Variants in RBFOX1 observed in about 807,000 individuals in gnomAD.
RBFOX1 encodes RNA binding fox-1 homolog 1, also known as RNA binding protein fox-1 homolog 1.
In RBFOX1, 8 loss-of-function variants were observed where a neutral mutation model predicts 57.7. The ratio of observed to expected loss-of-function variants is 0.14; its 90% CI spans 0.08 to 0.25. The LOEUF (loss-of-function observed/expected upper bound fraction) is 0.25. RBFOX1 is among the 10% of genes least tolerant of loss of function. RBFOX1 has a pLI of 1.00. For missense variants in RBFOX1, 611 were observed against 548.5 expected (o/e 1.11, Z -1.14); for synonymous variants, 326 against 222.4 (o/e 1.47, Z -4.15).
chr16:6,683,404 G>C (rs996328781), intron 3 of RBFOX1, among the ~76,000 whole-genome samples: 5 of 152,084 alleles, frequency 3.3e-5, no homozygotes, highest in Admixed American at 2.0e-4. Context: ...TCTTTATTAG[G>C]AGATGCATGC....
intron 3 of RBFOX1, among the ~76,000 whole-genome samples, chr16:5,802,602 A>G (rs1390201650): frequency 6.6e-6 from 1 of 152,144 alleles, no homozygotes. Context: ...GAAGAGGAGC[A>G]TGTCTGGATC....
intron 2 of RBFOX1, among the ~76,000 whole-genome samples, chr16:5,512,729 T>C (rs1271659483): frequency 1.3e-5 from 2 of 152,234 alleles, no homozygotes; most frequent in African/African-American, 2.4e-5. Flanking sequence ...TCTTATACTC[T>C]TGTGACACGT....
intron 3 of RBFOX1, among the ~76,000 whole-genome samples, chr16:5,867,150 A>ATGTGTGTGTGTG (rs113977862): frequency 1.3e-5 from 2 of 149,318 alleles, no homozygotes; most frequent in East Asian, 2.0e-4. Context: ...AAGAAAATGC[A>ATGTGTGTGTGTG]TGTGTGTGTG....
At chr16:6,897,126 C>G (rs1453103034) in intron 3 of RBFOX1, among the ~76,000 whole-genome samples, 1 of 152,152 alleles carries the variant, frequency 6.6e-6, no homozygotes, top group Non-Finnish European at 1.5e-5. Flanking sequence ...ATAAGAAAAC[C>G]ATTGCTGACA....
chr16:6,210,737 G>C (rs1334062901), intron 1 of RBFOX1, among the ~76,000 whole-genome samples: 2 of 151,766 alleles, frequency 1.3e-5, no homozygotes, highest in African/African-American at 2.4e-5. Flanking sequence ...CAAAAAAAAA[G>C]AAAAGAAAAG....
chr16:6,691,583 T>C lies in RBFOX1; in HGVS notation c.-16+36933T>C, dbSNP rs144752936. ...TATATGTATCATTTGATATCATCTTTACATCAATCCCAGGAAGAAAGAATG... is the reference window on the plus strand; with the variant it reads ...TATATGTATCATTTGATATCATCTTCACATCAATCCCAGGAAGAAAGAATG... On this transcript the variant is annotated intron_variant, in intron 3 of 15. Transcript: ENST00000550418. Among the ~76,000 whole-genome samples, 12 of 152,320 alleles carry C rather than the reference T, an allele frequency of 7.9e-5. No individual in the cohort carries two copies. In the East Asian group the frequency reaches 2.3e-3, roughly 29 times the overall value.
intron 3 of RBFOX1, among the ~76,000 whole-genome samples, chr16:6,849,001 C>T (rs750387371): frequency 1.3e-5 from 2 of 152,180 alleles, no homozygotes; most frequent in Admixed American, 6.5e-5. Context: ...TTCCAAAGCA[C>T]GTTTAGGTAG....
intron 3 of RBFOX1, among the ~76,000 whole-genome samples, chr16:6,992,501 A>G (rs1410940443): frequency 1.6e-4 from 24 of 152,114 alleles, no homozygotes; most frequent in Admixed American, 1.6e-3. Flanking sequence ...GGCGTGAGCT[A>G]CTGCATCCAG....
At position 7,630,761 on chromosome 16, in the gene RBFOX1, C is replaced by T. The variant is rs567490059; in HGVS notation, c.757+78C>T. The T allele has an allele frequency of 6.2e-4, 984 of 1,574,982 alleles. 2 individuals are homozygous for T. The highest frequency in any genetic ancestry group is 1.2e-3 in the Middle Eastern group (7 of 5,980). On this transcript the variant is annotated intron_variant, in intron 11 of 15. Coordinates refer to ENST00000550418, the MANE Select transcript of RBFOX1 (RefSeq NM_018723.4). The stretch of plus-strand genomic sequence containing the variant: ...TCACCTTCCCTGCCATGTAAGTTCT[C>T]TCCCCCTCCCTCTGCCCCACCCTCT...
chr16:6,497,226 A>C (rs2095796260), intron 2 of RBFOX1, among the ~76,000 whole-genome samples: 1 of 152,180 alleles, frequency 6.6e-6, no homozygotes, highest in Non-Finnish European at 1.5e-5. Flanking sequence ...TTTGTAACTG[A>C]GGCTGGAGAA....
intron 3 of RBFOX1, among the ~76,000 whole-genome samples, chr16:5,767,269 C>T (rs1228238596): frequency 2.0e-5 from 3 of 152,196 alleles, no homozygotes; most frequent in African/African-American, 7.2e-5. Flanking sequence ...TTCCTGACTT[C>T]AGGGAGATGA....
intron 2 of RBFOX1, among the ~76,000 whole-genome samples, chr16:6,558,490 C>G (rs1320857816): frequency 6.6e-6 from 1 of 152,140 alleles, no homozygotes; most frequent in African/African-American, 2.4e-5. Flanking sequence ...CTTGAGTCAT[C>G]TGTCACGTTG....
At chr16:6,732,750 G>T (rs1032515211) in intron 3 of RBFOX1, among the ~76,000 whole-genome samples, 1 of 152,156 alleles carries the variant, frequency 6.6e-6, no homozygotes, top group African/African-American at 2.4e-5. Flanking sequence ...AGCACATTCT[G>T]CCAGTGCCTC....
chr16:5,598,995 T>C, exon 3 of RBFOX1: 1 of 1,487,794 alleles, frequency 6.7e-7, no homozygotes, highest in Non-Finnish European at 9.1e-7. Context: ...CAGATTAGAT[T>C]TTGAAACTAC....
chr16:6,577,803 C>G (rs1328561970), intron 2 of RBFOX1, among the ~76,000 whole-genome samples: 8 of 152,160 alleles, frequency 5.3e-5, no homozygotes, highest in Admixed American at 3.9e-4. Context: ...CCTCCTGTAT[C>G]CCTACTATGT....
At chr16:7,515,937 C>G (rs1848006097) in intron 4 of RBFOX1, among the ~76,000 whole-genome samples, 1 of 152,150 alleles carries the variant, frequency 6.6e-6, no homozygotes, top group Admixed American at 6.5e-5. Context: ...TTCCACCTCC[C>G]ACATTCAAGT....
At chr16:7,279,867 T>A (rs1272077274) in intron 4 of RBFOX1, among the ~76,000 whole-genome samples, 2 of 152,192 alleles carry the variant, frequency 1.3e-5, no homozygotes, top group African/African-American at 4.8e-5. Flanking sequence ...CAAGGACTCA[T>A]GAAGGCTGAA....
chr16:6,626,732 C>T (rs1040007338), intron 2 of RBFOX1, among the ~76,000 whole-genome samples: 1 of 151,898 alleles, frequency 6.6e-6, no homozygotes, highest in East Asian at 1.9e-4. Flanking sequence ...AGCACCCCAG[C>T]CTGGATGACA....
At position 7,166,536 on chromosome 16, in the gene RBFOX1, C is replaced by G. The variant is rs547741224; in HGVS notation, c.27+114438C>G. Among the ~76,000 whole-genome samples the G allele has an allele frequency of 3.3e-5, 5 of 152,206 alleles. No individual in the cohort carries two copies. The South Asian group carries it at 8.3e-4, about 25-fold the overall frequency. ...AGGAACAGGATGGCCTCAAAGAAGC[C>G]TAGAGCTGAGGTGGCCAGAGCATGG... On this transcript the variant is annotated intron_variant, in intron 4 of 15. Coordinates refer to ENST00000550418, the MANE Select transcript of RBFOX1 (RefSeq NM_018723.4).
Sources: allele counts gnomAD v4.1 joint callset (sites outside exome capture counted in the v4.1 genomes callset), GRCh38; gene constraint gnomAD v4.1.1; transcripts MANE v1.5; gene names NCBI Gene and HGNC (gene_info 2026-07-23, HGNC 2026-07-21).